NPAT: variants seen among roughly 807,000 people sequenced by gnomAD.
The protein encoded by NPAT is nuclear protein, coactivator of histone transcription.
NPAT carries 52 observed loss-of-function variants against 130.7 expected under a neutral mutation model. The observed-to-expected ratio is 0.40, with a 90% CI of 0.32 to 0.50. The LOEUF is 0.50. Ranked by LOEUF, NPAT falls within the 20% of genes least tolerant of loss-of-function variation. The probability of loss-of-function intolerance (pLI) is 0.68; values close to 1 mark genes in which losing one functional copy is unlikely to be tolerated. For synonymous variants in NPAT, 580 were observed against 584.8 expected (o/e 0.99, Z 0.12); for missense variants, 1,687 against 1,662.6 (o/e 1.01, Z -0.26).
chr11:108,212,555 G>A (rs1421847172), intron 1 of NPAT, among the ~76,000 whole-genome samples: 1 of 149,778 alleles, frequency 6.7e-6, no homozygotes, highest in Non-Finnish European at 1.5e-5. Flanking sequence ...ATCCAGATTG[G>A]AAAGGAAAAA....
chr11:108,173,020 T>A lies in NPAT; in HGVS notation c.1964A>T (p.Lys655Met). 6.2e-7 allele frequency: 1 copy of A among 1,613,970 alleles called. No individual in the cohort carries two copies. Among genetic ancestry groups the A allele is most frequent in the Non-Finnish European group, 8.5e-7 (1 of 1,179,886 alleles). ...TGAAGGCTCCTGTGAATTCTCAGACTTGGATGCCTGAGCTTCATTTTCTGT... is the reference window on the plus strand; with the variant it reads ...TGAAGGCTCCTGTGAATTCTCAGACATGGATGCCTGAGCTTCATTTTCTGT... ...NHTENEAQAS[K>M]SENSQEPSSS... Residue 655 changes from lysine to methionine, a missense_variant, in exon 13 of 18, where the codon AAG becomes ATG. Lys to Met is a moderately conservative substitution (Grantham distance 95). Transcript: ENST00000278612.
rs78579001 is a variant in NPAT at position 108,219,558 on chromosome 11, G to A, written c.37+2942C>T. Among the ~76,000 whole-genome samples the A allele has an allele frequency of 5.9e-4, 90 of 152,196 alleles. 2 individuals are homozygous for A. In the East Asian group the frequency reaches 0.015, roughly 25 times the overall value. On this transcript the variant is annotated intron_variant, in intron 1 of 17. Coordinates refer to ENST00000278612, the MANE Select transcript of NPAT (RefSeq NM_002519.3). ...AAACCTTCACAGATGATAGTTTTGG[G>A]GACTCCCAGAACTCTTGAAGCTTGT...
At chr11:108,188,933 T>A (rs2078135456) in intron 6 of NPAT, among the ~76,000 whole-genome samples, 173 bp downstream of exon 6, 2 of 152,206 alleles carry the variant, frequency 1.3e-5, no homozygotes, top group African/African-American at 4.8e-5. Flanking sequence ...TAAAATGCCT[T>A]AAAGATTTTA....
At chr11:108,160,029 T>C (rs1298902171) in intron 17 of NPAT, among the ~76,000 whole-genome samples, 9 of 151,654 alleles carry the variant, frequency 5.9e-5, no homozygotes. Context: ...CAGACACCTG[T>C]AATCCCAGCT....
intron 1 of NPAT, among the ~76,000 whole-genome samples, chr11:108,220,799 A>G (rs2078479593): frequency 6.6e-6 from 1 of 152,230 alleles, no homozygotes; most frequent in African/African-American, 2.4e-5. Flanking sequence ...TTCAGACTAA[A>G]AGGTATAGTG....
intron 13 of NPAT, among the ~76,000 whole-genome samples, chr11:108,170,977 C>T (rs2077944587): frequency 1.3e-5 from 2 of 152,044 alleles, no homozygotes; most frequent in South Asian, 4.1e-4. Context: ...TGGGAACCAA[C>T]ACATAAGGAA....
In NPAT at chr11:108,161,525, A is replaced by G; in HGVS notation, c.3561T>C (p.Ser1187=). The G allele has an allele frequency of 1.9e-6, 3 of 1,614,190 alleles. No individual in the cohort carries two copies. The highest frequency in any genetic ancestry group is 2.5e-6 in the Non-Finnish European group (3 of 1,180,030). Residue 1187 remains serine (S), a synonymous_variant, in exon 17 of 18, where the codon TCT becomes TCC. Coordinates refer to ENST00000278612, the MANE Select transcript of NPAT (RefSeq NM_002519.3). ...RQKNPENSKL[S]IGQQNGGLRS... ...GCAAACCCCCATTTTGCTGCCCAAT[A>G]GATAGTTTTGAATTTTCTGGATTTT...
chr11:108,196,948 G>T (rs984535777), intron 2 of NPAT, among the ~76,000 whole-genome samples: 3 of 152,022 alleles, frequency 2.0e-5, no homozygotes, highest in African/African-American at 4.8e-5. Flanking sequence ...TTTAACAAAA[G>T]AGATGACAAT....
intron 1 of NPAT, among the ~76,000 whole-genome samples, chr11:108,197,703 A>G (rs1337997469): frequency 6.6e-6 from 1 of 152,232 alleles, no homozygotes; most frequent in Non-Finnish European, 1.5e-5. Context: ...AGAACCAATA[A>G]ATTAATGATA....
intron 1 of NPAT, among the ~76,000 whole-genome samples, chr11:108,222,193 T>C (rs1215998301): frequency 1.3e-5 from 2 of 152,148 alleles, no homozygotes; most frequent in African/African-American, 2.4e-5. Flanking sequence ...AGACAAATGC[T>C]CTTTCAGGGG....
chr11:108,170,886 T>G (rs1047008510), intron 13 of NPAT, among the ~76,000 whole-genome samples: 2 of 152,156 alleles, frequency 1.3e-5, no homozygotes, highest in African/African-American at 4.8e-5. Context: ...ACAGACCCAT[T>G]AGGTTTAATA....
At position 108,188,141 on chromosome 11, in the gene NPAT, T is replaced by C; in HGVS notation, c.595A>G (p.Lys199Glu). The change falls in exon 7 of 18, where the codon AAG becomes GAG. Residue 199 changes from lysine to glutamate, a missense_variant. Lys to Glu is a moderately conservative substitution (Grantham distance 56, BLOSUM62 1). Transcript: ENST00000278612. ...ALNVIPGAQE[K>E]KAHASLMSPG... Reference sequence around the variant, plus strand: ...GACATTAAACTGGCATGTGCTTTCTTTTCCTGAGCACCAGGAATGACATTT... The same window carrying C: ...GACATTAAACTGGCATGTGCTTTCTCTTCCTGAGCACCAGGAATGACATTT... 6.2e-7 allele frequency: 1 copy of C among 1,613,842 alleles called. No individual in the cohort carries two copies. The highest frequency in any genetic ancestry group is 8.5e-7 in the Non-Finnish European group (1 of 1,179,864).
At chr11:108,197,844 G>A (rs2078238672) in intron 1 of NPAT, among the ~76,000 whole-genome samples, 1 of 152,132 alleles carries the variant, frequency 6.6e-6, no homozygotes, top group Non-Finnish European at 1.5e-5. Context: ...TCATTTATTT[G>A]CCAAATGATT....
chr11:108,203,642 T>A (rs2078296196), intron 1 of NPAT, among the ~76,000 whole-genome samples: 1 of 152,190 alleles, frequency 6.6e-6, no homozygotes, highest in African/African-American at 2.4e-5. Context: ...CTTGCTCTTC[T>A]CACCCTTGTT....
In NPAT at chr11:108,185,468, T is replaced by C. The variant is rs2078098529; in HGVS notation, c.753A>G (p.Glu251=). 1.2e-6 allele frequency: 2 copies of C among 1,611,706 alleles called. No individual in the cohort carries two copies. Among genetic ancestry groups the C allele is most frequent in the South Asian group, 1.1e-5 (1 of 90,972 alleles). The part of the protein sequence containing the change: ...EKQMVIENAR[E]KILSNKSLQE... ...GAAGAGATTTGTTGCTTAGTATTTTTTCTCGTGCATTTTCAATAACCATTT... is the reference window on the plus strand; with the variant it reads ...GAAGAGATTTGTTGCTTAGTATTTTCTCTCGTGCATTTTCAATAACCATTT... Residue 251 remains glutamate, a synonymous_variant, in exon 9 of 18, where the codon GAA becomes GAG. Coordinates refer to ENST00000278612, the MANE Select transcript of NPAT (RefSeq NM_002519.3).
At chr11:108,220,124 A>G (rs1182062995) in intron 1 of NPAT, among the ~76,000 whole-genome samples, 9 of 152,242 alleles carry the variant, frequency 5.9e-5, no homozygotes, top group Non-Finnish European at 8.8e-5. Flanking sequence ...ACCTTGAATA[A>G]ATAGATAAAA....
chr11:108,184,817 C>T (rs2134855492), intron 10 of NPAT, among the ~76,000 whole-genome samples: 1 of 152,314 alleles, frequency 6.6e-6, no homozygotes, highest in South Asian at 2.1e-4. Flanking sequence ...AGGCATTGAG[C>T]CACCATGCCT....
intron 1 of NPAT, among the ~76,000 whole-genome samples, chr11:108,207,129 C>T (rs180978279): frequency 2.0e-5 from 3 of 152,332 alleles, no homozygotes; most frequent in East Asian, 1.9e-4. Flanking sequence ...GACCAGTTCT[C>T]GGTGGAGATG....
intron 15 of NPAT, among the ~76,000 whole-genome samples, chr11:108,163,164 C>T (rs1467798864): frequency 1.3e-5 from 2 of 151,852 alleles, no homozygotes; most frequent in Non-Finnish European, 2.9e-5. Context: ...ACTGCAACCT[C>T]CACCTCCTGG....
Sources: gnomAD v4.1 joint callset for allele counts (sites outside exome capture counted in the v4.1 genomes callset) on GRCh38, gnomAD v4.1.1 for gene constraint, MANE v1.5 for transcripts, NCBI Gene and HGNC (gene_info 2026-07-23, HGNC 2026-07-21) for gene names.